Variants in MICAL3 observed in about 807,000 individuals in gnomAD.
MICAL3 encodes the protein [F-actin]-monooxygenase MICAL3.
A neutral mutation model predicts 207.4 loss-of-function variants in MICAL3; 62 were observed. The ratio of observed to expected loss-of-function variants is 0.30; its 90% CI spans 0.24 to 0.37. MICAL3 has a LOEUF of 0.37. Among genes scored for constraint, MICAL3 ranks in the 10% least tolerant of loss-of-function variants. MICAL3 has a pLI of 1.00. For missense variants in MICAL3, 2,368 were observed against 2,635.6 expected (o/e 0.90, Z 2.22); for synonymous variants, 1,077 against 1,069.3 (o/e 1.01, Z -0.14).
At chr22:17,808,554 G>C (rs1021009241) in intron 29 of MICAL3, among the ~76,000 whole-genome samples, 6 of 152,332 alleles carry the variant, frequency 3.9e-5, no homozygotes, top group South Asian at 2.1e-4. Flanking sequence ...ATGGTGGGGT[G>C]GGAAGGAGGG....
At chr22:17,930,209 TG>T (rs529667522) in intron 1 of MICAL3, among the ~76,000 whole-genome samples, 260 of 152,302 alleles carry the variant, frequency 1.7e-3, no homozygotes, top group Middle Eastern at 6.8e-3. Flanking sequence ...ACAATGCGCG[TG>T]GTGAACTCGT....
chr22:17,901,126 C>T, intron 5 of MICAL3, 129 bp from the exon 6 acceptor site: 1 of 822,768 alleles, frequency 1.2e-6, no homozygotes, highest in Non-Finnish European at 2.0e-6. Context: ...AAAGTTAGGG[C>T]AGCTCTTCTG....
rs1318224998 is a variant in MICAL3 at position 17,944,181 on chromosome 22, G to A, written c.-74-37295C>T. Among the ~76,000 whole-genome samples, 5 of 152,166 alleles carry A rather than the reference G, an allele frequency of 3.3e-5. No homozygotes were observed. In the East Asian group the frequency reaches 9.6e-4, roughly 29 times the overall value. On this transcript the variant is annotated intron_variant, in intron 1 of 31. Coordinates refer to ENST00000441493, the MANE Select transcript of MICAL3 (RefSeq NM_015241.3). ...AGAGAAAAAGACTTTGGTTGACATG[G>A]ACATCAGTTAAAACCTCTATCCAGA...
chr22:17,965,890 T>C (rs767660373), intron 1 of MICAL3, among the ~76,000 whole-genome samples: 15 of 152,194 alleles, frequency 9.9e-5, no homozygotes, highest in Non-Finnish European at 2.2e-4. Flanking sequence ...CTCCACATTC[T>C]ATGCCTTTTC....
rs539015136 is a variant in MICAL3 at position 17,836,903 on chromosome 22, C to T, written c.2802-4796G>A. On this transcript the variant is annotated intron_variant, in intron 20 of 31. Coordinates refer to ENST00000441493, the MANE Select transcript of MICAL3 (RefSeq NM_015241.3). ...CTTGTGATCTGCCTGCCTCGGCCTC[C>T]AAAAGTGCTGGGAATTACAGGCATG... is the stretch of plus-strand genomic sequence containing the variant. Among the ~76,000 whole-genome samples the T allele has an allele frequency of 1.4e-3, 207 of 152,318 alleles. 2 individuals are homozygous for T. The highest frequency in any genetic ancestry group is 4.0e-3 in the African/African-American group (166 of 41,576).
In MICAL3 at chr22:17,902,243, C is replaced by T. The variant is rs889831359; in HGVS notation, c.590-264G>A. 1.3e-5 allele frequency among the ~76,000 whole-genome samples: 2 copies of T among 152,182 alleles called. No homozygotes were observed. Among genetic ancestry groups the T allele is most frequent in the South Asian group, 2.1e-4 (1 of 4,832 alleles). On this transcript the variant is annotated intron_variant, in intron 4 of 31. Coordinates refer to ENST00000441493, the MANE Select transcript of MICAL3 (RefSeq NM_015241.3). The surrounding 1 kb of genome is among the most constrained non-coding windows in gnomAD (Gnocchi z 4.5). ...GTGAAACCCTGTCTCTACTAAAATA[C>T]AAAAATTAGCCAGGCATGGTGACAC...
chr22:18,023,026 CTT>C (rs1377466610), intron 1 of MICAL3, among the ~76,000 whole-genome samples: 1 of 152,194 alleles, frequency 6.6e-6, no homozygotes, highest in East Asian at 1.9e-4. Flanking sequence ...TGCCAGCTCT[CTT>C]TGCCTGTAGC....
chr22:17,937,045 C>T lies in MICAL3; in HGVS notation c.-74-30159G>A, dbSNP rs114719583. ...ACTTCCATGCAGATTATCCCACTTA[C>T]AACTCGTAGTTCCATGAGTCTGGAA... On this transcript the variant is annotated intron_variant, in intron 1 of 31. Transcript: ENST00000441493. Among the ~76,000 whole-genome samples the T allele has an allele frequency of 3.8e-3, 581 of 152,310 alleles. 8 individuals carry two copies. The highest frequency in any genetic ancestry group is 0.014 in the African/African-American group (562 of 41,560).
At chr22:17,973,754 C>T (rs752540540) in intron 1 of MICAL3, among the ~76,000 whole-genome samples, 3 of 151,972 alleles carry the variant, frequency 2.0e-5, no homozygotes, top group Non-Finnish European at 2.9e-5. Flanking sequence ...CACGGTGAGA[C>T]GCCGTCTCTA....
intron 12 of MICAL3, among the ~76,000 whole-genome samples, chr22:17,890,289 C>G (rs1190393077): frequency 6.6e-6 from 1 of 152,092 alleles, no homozygotes; most frequent in Non-Finnish European, 1.5e-5. Context: ...GCCGCGCTGT[C>G]CCTGTGCTGC....
chr22:17,919,037 C>T (rs1932716460), intron 1 of MICAL3, among the ~76,000 whole-genome samples: 1 of 151,572 alleles, frequency 6.6e-6, no homozygotes. Flanking sequence ...AAGCACTTAC[C>T]ACAACTTGAC....
chr22:17,981,768 T>A (rs1935918563), intron 1 of MICAL3, among the ~76,000 whole-genome samples: 1 of 152,216 alleles, frequency 6.6e-6, no homozygotes, highest in Admixed American at 6.5e-5. Flanking sequence ...TGAGTATTTA[T>A]TACCTTTGCC....
chr22:17,904,078 C>T (rs887044849), intron 3 of MICAL3, among the ~76,000 whole-genome samples: 2 of 152,212 alleles, frequency 1.3e-5, no homozygotes, highest in Non-Finnish European at 2.9e-5. Flanking sequence ...GCTTGCAGAC[C>T]GCACAAGAAC....
chr22:17,950,449 C>A lies in MICAL3; in HGVS notation c.-74-43563G>T, dbSNP rs1335422342. Among the ~76,000 whole-genome samples the A allele has an allele frequency of 2.0e-5, 3 of 146,496 alleles. No homozygotes were observed. The East Asian group carries it at 6.6e-4, about 32-fold the overall frequency. On this transcript the variant is annotated intron_variant, in intron 1 of 31. Transcript: ENST00000441493. The stretch of plus-strand genomic sequence containing the variant: ...CCGCCTCCTGGGTTCAAGCAATTCT[C>A]CAGCCTCAGCCTCCCAAGTAGCTGG...
chr22:17,798,835 G>A (rs1323973807), intron 29 of MICAL3, among the ~76,000 whole-genome samples: 3 of 151,672 alleles, frequency 2.0e-5, no homozygotes, highest in South Asian at 2.1e-4. Flanking sequence ...CACCACACCC[G>A]GCTAATTTTT....
At chr22:17,875,221 C>T in intron 16 of MICAL3, 1 of 324,962 alleles carries the variant, frequency 3.1e-6, no homozygotes, top group Non-Finnish European at 5.5e-6. Flanking sequence ...CTGGATGTGT[C>T]AGATACAGTT....
chr22:17,894,601 A>G (rs1765378049), intron 10 of MICAL3, among the ~76,000 whole-genome samples: 1 of 151,868 alleles, frequency 6.6e-6, no homozygotes, highest in African/African-American at 2.4e-5. Flanking sequence ...GTTCAAGACC[A>G]GCCTGACCAA....
intron 29 of MICAL3, among the ~76,000 whole-genome samples, chr22:17,803,029 G>A (rs1358921658): frequency 6.6e-6 from 1 of 152,174 alleles, no homozygotes; most frequent in African/African-American, 2.4e-5. Context: ...GCTCTAGAGG[G>A]CATCAGAACC....
At chr22:17,864,018 G>A in intron 19 of MICAL3, 1 of 985,658 alleles carries the variant, frequency 1.0e-6, no homozygotes, top group Non-Finnish European at 1.2e-6. Flanking sequence ...TGAACCACCT[G>A]GAGCTGTATG....
Sources: gnomAD v4.1 joint callset for allele counts (sites outside exome capture counted in the v4.1 genomes callset) on GRCh38, gnomAD v4.1.1 for gene constraint, Gnocchi (gnomAD v3.1) non-coding constraint, MANE v1.5 for transcripts, NCBI Gene and HGNC (gene_info 2026-07-23, HGNC 2026-07-21) for gene names.